Variants in GRM8 observed in about 807,000 individuals in gnomAD.
GRM8 encodes glutamate metabotropic receptor 8, also known as metabotropic glutamate receptor 8.
In GRM8, 47 loss-of-function variants were observed where a neutral mutation model predicts 87.2. The ratio of observed to expected loss-of-function variants is 0.54; its 90% CI spans 0.43 to 0.69. GRM8 has a LOEUF of 0.69. GRM8 is among the 30% of genes least tolerant of loss of function. The pLI, the probability that GRM8 is intolerant of heterozygous loss-of-function variation, is 0.00. For missense variants in GRM8, 1,019 were observed against 1,139.2 expected (o/e 0.89, Z 1.52); for synonymous variants, 396 against 404.5 (o/e 0.98, Z 0.25).
At chr7:126,903,430 A>T (rs559739952) in intron 5 of GRM8, among the ~76,000 whole-genome samples, 1 of 151,946 alleles carries the variant, frequency 6.6e-6, no homozygotes, top group South Asian at 2.1e-4. Context: ...TTTCCCTCCA[A>T]CAATGCTATA....
At chr7:126,982,854 C>T (rs1447113251) in intron 3 of GRM8, among the ~76,000 whole-genome samples, 2 of 152,140 alleles carry the variant, frequency 1.3e-5, no homozygotes, top group Non-Finnish European at 2.9e-5. Context: ...CCCAAACCTT[C>T]ATTCCTGAAG....
At chr7:126,933,522 C>T (rs1421036412) in intron 3 of GRM8, among the ~76,000 whole-genome samples, 1 of 152,206 alleles carries the variant, frequency 6.6e-6, no homozygotes, top group Non-Finnish European at 1.5e-5. Flanking sequence ...CAATTAAATT[C>T]TCACAGCACC....
At chr7:127,220,144 G>A (rs989452349) in intron 2 of GRM8, among the ~76,000 whole-genome samples, 1 of 152,162 alleles carries the variant, frequency 6.6e-6, no homozygotes, top group East Asian at 1.9e-4. Flanking sequence ...TGCAGTAGAG[G>A]GAGGAGCTCC....
chr7:126,537,957 T>C (rs1816034108), intron 8 of GRM8, among the ~76,000 whole-genome samples: 2 of 152,186 alleles, frequency 1.3e-5, no homozygotes, highest in South Asian at 4.1e-4. Context: ...TTTTTAAAAT[T>C]TGCCTTCCTC....
chr7:126,449,105 A>G (rs1802333476), intron 9 of GRM8, among the ~76,000 whole-genome samples: 1 of 151,860 alleles, frequency 6.6e-6, no homozygotes, highest in African/African-American at 2.4e-5. Flanking sequence ...AGCATTTGTT[A>G]CAGGGCCATG....
chr7:126,704,629 G>A (rs190721511), intron 7 of GRM8, among the ~76,000 whole-genome samples: 9 of 152,162 alleles, frequency 5.9e-5, no homozygotes, highest in Admixed American at 1.3e-4. Context: ...AAGAGAATGC[G>A]CCCCTGAGGA....
intron 2 of GRM8, among the ~76,000 whole-genome samples, chr7:127,169,162 C>T (rs576138353): frequency 6.6e-6 from 1 of 151,060 alleles, no homozygotes; most frequent in Non-Finnish European, 1.5e-5. Flanking sequence ...GCCTCTTGCA[C>T]TAAACAGCCA....
chr7:127,198,366 TC>T (rs1318334938), intron 2 of GRM8, among the ~76,000 whole-genome samples: 4 of 152,134 alleles, frequency 2.6e-5, no homozygotes, highest in Non-Finnish European at 5.9e-5. Flanking sequence ...TGAATTTGAT[TC>T]CCAAATCTGC....
chr7:126,608,098 T>C (rs771940004), intron 8 of GRM8, among the ~76,000 whole-genome samples: 4 of 151,782 alleles, frequency 2.6e-5, no homozygotes, highest in Non-Finnish European at 4.4e-5. Flanking sequence ...AAATAATTCT[T>C]CACCTGGTGG....
chr7:126,892,043 A>AAAC (rs1801079966), intron 6 of GRM8, among the ~76,000 whole-genome samples: 1 of 149,782 alleles, frequency 6.7e-6, no homozygotes, highest in Non-Finnish European at 1.5e-5. Context: ...AAAAAAAAAA[A>AAAC]CCCTAATAAA....
intron 2 of GRM8, among the ~76,000 whole-genome samples, chr7:127,116,667 A>T (rs1284845510): frequency 4.6e-5 from 7 of 152,214 alleles, no homozygotes; most frequent in Admixed American, 4.6e-4. Context: ...ATGAAGAAGA[A>T]AAAGGAATGA....
intron 9 of GRM8, among the ~76,000 whole-genome samples, chr7:126,491,231 A>G (rs996548139): frequency 3.3e-5 from 5 of 152,052 alleles, no homozygotes; most frequent in Non-Finnish European, 7.4e-5. Flanking sequence ...GTTATATACT[A>G]TTTCACAGAA....
chr7:126,688,330 A>G (rs969959999), intron 7 of GRM8, among the ~76,000 whole-genome samples: 4 of 152,198 alleles, frequency 2.6e-5, no homozygotes, highest in South Asian at 2.1e-4. Flanking sequence ...AAGGATCTCT[A>G]TGCAAAAAAG....
chr7:126,879,797 T>G (rs1023571993), intron 6 of GRM8, among the ~76,000 whole-genome samples: 1 of 152,242 alleles, frequency 6.6e-6, no homozygotes, highest in African/African-American at 2.4e-5. Flanking sequence ...AGGGCGAGTA[T>G]TATACTACCA....
intron 2 of GRM8, among the ~76,000 whole-genome samples, chr7:127,222,864 G>A (rs986089160): frequency 6.6e-6 from 1 of 152,070 alleles, no homozygotes; most frequent in African/African-American, 2.4e-5. Context: ...CAAGTGACTG[G>A]GCCACTTCAC....
In GRM8 at chr7:126,563,639, T is replaced by C. The variant is rs114447863; in HGVS notation, c.1495-29752A>G. Among the ~76,000 whole-genome samples, 636 of 152,190 alleles carry C rather than the reference T, an allele frequency of 4.2e-3. 3 individuals carry two copies. The highest frequency in any genetic ancestry group is 0.013 in the African/African-American group (519 of 41,502). On this transcript the variant is annotated intron_variant, in intron 8 of 10. Coordinates refer to ENST00000339582, the MANE Select transcript of GRM8 (RefSeq NM_000845.3). ...CATCAAGCTGTGGCTTGTCAGCCTC[T>C]GGGAAAGAGCCATGTTTAGGGGAGT...
chr7:127,224,840 C>T (rs1444084906), intron 2 of GRM8, among the ~76,000 whole-genome samples: 1 of 152,062 alleles, frequency 6.6e-6, no homozygotes, highest in South Asian at 2.1e-4. Context: ...GGTCTGAATT[C>T]CTGAACTCAA....
chr7:126,720,259 G>A (rs980818053), intron 7 of GRM8, among the ~76,000 whole-genome samples: 2 of 150,538 alleles, frequency 1.3e-5, no homozygotes, highest in Admixed American at 6.6e-5. Flanking sequence ...CTCCTTCTTC[G>A]GCCTTCTGAG....
At chr7:126,825,288 A>G (rs184829829) in intron 6 of GRM8, among the ~76,000 whole-genome samples, 3 of 152,026 alleles carry the variant, frequency 2.0e-5, no homozygotes, top group African/African-American at 4.8e-5. Context: ...GGATGGTCTC[A>G]ATCTCCTGAC....
Sources: gnomAD v4.1 joint callset for allele counts (sites outside exome capture counted in the v4.1 genomes callset) on GRCh38, gnomAD v4.1.1 for gene constraint, MANE v1.5 for transcripts, NCBI Gene and HGNC (gene_info 2026-07-23, HGNC 2026-07-21) for gene names.